The following PCDH7 variants were observed in gnomAD, a reference collection of about 807,000 sequenced individuals.
PCDH7 encodes protocadherin 7.
A neutral mutation model predicts 58.9 loss-of-function variants in PCDH7; 17 were observed. The observed-to-expected ratio is 0.29, with a 90% CI of 0.20 to 0.43. PCDH7 has a LOEUF of 0.43. PCDH7 is among the 20% of genes least tolerant of loss of function. The pLI, the probability that PCDH7 is intolerant of heterozygous loss-of-function variation, is 1.00. For synonymous variants in PCDH7, 664 were observed against 616.4 expected, an observed-to-expected ratio of 1.08 and a Z score of -1.14; for missense variants, 1,274 against 1,441.0, an observed-to-expected ratio of 0.88 and a Z score of 1.88.
chr4:30,825,762 T>G (rs777839194), intron 1 of PCDH7, among the ~76,000 whole-genome samples: 32 of 141,862 alleles, frequency 2.3e-4, no homozygotes, highest in Admixed American at 8.7e-4. Flanking sequence ...CAAAAGGTAT[T>G]AATGTACTTT....
At chr4:30,852,482 T>C (rs1458216818) in intron 1 of PCDH7, among the ~76,000 whole-genome samples, 3 of 152,082 alleles carry the variant, frequency 2.0e-5, no homozygotes, top group African/African-American at 7.2e-5. Flanking sequence ...GCCAGAATCC[T>C]AAACTATCTC....
intron 1 of PCDH7, among the ~76,000 whole-genome samples, chr4:30,753,414 A>G (rs1342365843): frequency 4.6e-5 from 7 of 152,250 alleles, no homozygotes; most frequent in Non-Finnish European, 7.3e-5. Flanking sequence ...CAAGAAACAT[A>G]GAAGTGTATT....
downstream of PCDH7, among the ~76,000 whole-genome samples, chr4:30,734,509 C>G (rs1479519399): frequency 6.6e-6 from 1 of 152,186 alleles, no homozygotes; most frequent in Non-Finnish European, 1.5e-5. Flanking sequence ...GCTGGGATTA[C>G]AGGCTTGTGC....
At chr4:30,833,208 T>C (rs1488426971) in intron 1 of PCDH7, among the ~76,000 whole-genome samples, 1 of 152,138 alleles carries the variant, frequency 6.6e-6, no homozygotes, top group East Asian at 1.9e-4. Flanking sequence ...TTAAAACATC[T>C]CAAATTTATC....
chr4:31,001,264 C>A (rs186830943), intron 3 of PCDH7, among the ~76,000 whole-genome samples: 12 of 151,920 alleles, frequency 7.9e-5, no homozygotes, highest in Admixed American at 7.9e-4. Context: ...AAATAATAAG[C>A]AGATTTTGTG....
intron 1 of PCDH7, among the ~76,000 whole-genome samples, chr4:30,846,107 C>A (rs113923640): frequency 2.6e-4 from 40 of 152,074 alleles, no homozygotes; most frequent in African/African-American, 8.9e-4. Flanking sequence ...ATAGCTATAA[C>A]TAAAACATGG....
chr4:31,138,094 T>G (rs1452788354), intron 3 of PCDH7, among the ~76,000 whole-genome samples: 1 of 152,136 alleles, frequency 6.6e-6, no homozygotes, highest in South Asian at 2.1e-4. Flanking sequence ...AGGCATCTTC[T>G]GGAAACATGA....
intron 1 of PCDH7, among the ~76,000 whole-genome samples, chr4:30,850,632 A>G (rs73812634): frequency 0.013 from 2,003 of 152,092 alleles, 43 homozygotes; most frequent in African/African-American, 0.046. Context: ...AAGTTGTTTA[A>G]CTAAGTTGAT....
intron 3 of PCDH7, among the ~76,000 whole-genome samples, chr4:30,963,417 C>A (rs190442307): frequency 2.0e-5 from 3 of 152,104 alleles, no homozygotes; most frequent in Admixed American, 2.0e-4. Flanking sequence ...TATTTAAGAC[C>A]AAGTATATAT....
At chr4:31,082,101 T>C (rs1711564385) in intron 3 of PCDH7, among the ~76,000 whole-genome samples, 1 of 152,200 alleles carries the variant, frequency 6.6e-6, no homozygotes, top group Non-Finnish European at 1.5e-5. Context: ...AAAAAATTTC[T>C]AACTGAAAGT....
chr4:30,975,420 G>A (rs373681974), intron 3 of PCDH7, among the ~76,000 whole-genome samples: 2 of 151,972 alleles, frequency 1.3e-5, no homozygotes, highest in South Asian at 2.1e-4. Flanking sequence ...TCCTTCACAC[G>A]AGCAAAATCA....
chr4:30,841,556 G>C (rs1270025110), intron 1 of PCDH7, among the ~76,000 whole-genome samples: 8 of 152,152 alleles, frequency 5.3e-5, no homozygotes, highest in Non-Finnish European at 8.8e-5. Flanking sequence ...GACGTGATGT[G>C]ATTTTGTGAT....
chr4:30,920,219 A>G lies in PCDH7; in HGVS notation c.139A>G (p.Ser47Gly), dbSNP rs776267964. The change falls in exon 2 of 4, where the codon AGT becomes GGT. Residue 47 changes from serine (S) to glycine (G), a missense_variant. Physicochemically the swap from Ser to Gly is moderately conservative, Grantham distance 56. Coordinates refer to the PCDH7 transcript ENST00000509759. ...GGACCCACATCAGGGGTCACTGCAGAGTTGCTATGACAGCGGGCTGGAGGA... is the reference window on the plus strand; with the variant it reads ...GGACCCACATCAGGGGTCACTGCAGGGTTGCTATGACAGCGGGCTGGAGGA... 4.4e-6 allele frequency: 6 copies of G among 1,367,778 alleles called. No homozygotes were observed. The Admixed American group carries it at 1.1e-4, about 26-fold the overall frequency. The allele number at this position is 1,367,778 out of a possible 1,614,324, so 84.7% of individuals were successfully genotyped here. A position where few individuals can be genotyped will look rare whatever the true frequency, so the allele number is the denominator to read the frequency against.
At chr4:30,861,914 G>T (rs1480359651) in intron 1 of PCDH7, among the ~76,000 whole-genome samples, 2 of 151,878 alleles carry the variant, frequency 1.3e-5, no homozygotes, top group Admixed American at 6.6e-5. Flanking sequence ...GGTTCATTTT[G>T]GCCCTCATTA....
intron 1 of PCDH7, among the ~76,000 whole-genome samples, chr4:30,795,725 C>G (rs1321175711): frequency 6.6e-6 from 1 of 152,182 alleles, no homozygotes; most frequent in Non-Finnish European, 1.5e-5. Context: ...ATAGATTTCA[C>G]AGCCTTGATA....
chr4:30,760,904 T>A (rs959938940), intron 1 of PCDH7, among the ~76,000 whole-genome samples: 6 of 152,126 alleles, frequency 3.9e-5, no homozygotes, highest in Admixed American at 3.9e-4. Flanking sequence ...TTCTTCCCAA[T>A]CATTCTCTTT....
chr4:30,757,609 T>G (rs1719477214), intron 1 of PCDH7, among the ~76,000 whole-genome samples: 1 of 152,220 alleles, frequency 6.6e-6, no homozygotes, highest in Non-Finnish European at 1.5e-5. Context: ...CACACTCATA[T>G]TTCATGACTC....
intron 2 of PCDH7, among the ~76,000 whole-genome samples, chr4:30,938,482 A>G (rs1745619374): frequency 2.8e-5 from 1 of 36,208 alleles, no homozygotes; most frequent in Non-Finnish European, 5.1e-5. Flanking sequence ...GGAAAAACAT[A>G]CACACACACA....
At chr4:30,852,483 A>G (rs967791326) in intron 1 of PCDH7, among the ~76,000 whole-genome samples, 2 of 152,090 alleles carry the variant, frequency 1.3e-5, no homozygotes, top group Non-Finnish European at 2.9e-5. Context: ...CCAGAATCCT[A>G]AACTATCTCT....
Sources: gnomAD v4.1 joint callset for allele counts (sites outside exome capture counted in the v4.1 genomes callset) on GRCh38, gnomAD v4.1.1 for gene constraint, MANE v1.5 for transcripts, NCBI Gene and HGNC (gene_info 2026-07-23, HGNC 2026-07-21) for gene names.